Variants in RNF170 observed in about 807,000 individuals in gnomAD.
RNF170 encodes E3 ubiquitin-protein ligase RNF170.
Under a neutral mutation model 32.7 loss-of-function variants are expected in RNF170, and 12 were observed. That is an observed-to-expected ratio of 0.37 (90% CI 0.24 to 0.60). The LOEUF is 0.60. RNF170 is among the 20% of genes least tolerant of loss of function. RNF170 has a pLI of 0.72. For synonymous variants in RNF170, 91 were observed against 103.6 expected, an observed-to-expected ratio of 0.88 and a Z score of 0.74; for missense variants, 212 against 311.2, an observed-to-expected ratio of 0.68 and a Z score of 2.40.
chr8:42,880,095 A>T (rs1805267287), intron 2 of RNF170, among the ~76,000 whole-genome samples: 1 of 152,234 alleles, frequency 6.6e-6, no homozygotes, highest in Admixed American at 6.5e-5. Context: ...GGAAGAAGTC[A>T]CTGCAGATAT....
rs1803049553 is a variant in RNF170, at chr8:42,853,975, G to A, written c.*2184C>T. 1 of 1,286,946 alleles carries A rather than the reference G, an allele frequency of 7.8e-7. No individual in the cohort carries two copies. Among genetic ancestry groups the A allele is most frequent in the Admixed American group, 2.3e-5 (1 of 43,530 alleles). The allele number at this position is 1,286,946 out of a possible 1,614,324, so 79.7% of individuals were successfully genotyped here. A position where few individuals can be genotyped will look rare whatever the true frequency, so the allele number is the denominator to read the frequency against. The stretch of plus-strand genomic sequence containing the variant: ...ATGCATGCACACAAAATAAAATCCT[G>A]TCAAAAAATGACATCACCATTCCCC... On this transcript the variant is annotated 3_prime_UTR_variant, in exon 7 of 7. Coordinates refer to ENST00000527424, the MANE Select transcript of RNF170 (RefSeq NM_030954.4).
chr8:42,872,781 G>A (rs1389631112), intron 3 of RNF170, among the ~76,000 whole-genome samples: 1 of 151,998 alleles, frequency 6.6e-6, no homozygotes, highest in Non-Finnish European at 1.5e-5. Flanking sequence ...TAAGTTCCAT[G>A]AGGGTAGGAA....
intron 6 of RNF170, among the ~76,000 whole-genome samples, chr8:42,860,173 TAC>T (rs1398784885): frequency 6.6e-6 from 1 of 152,200 alleles, no homozygotes; most frequent in African/African-American, 2.4e-5. Flanking sequence ...CAGTTGGATC[TAC>T]AGAGTCTGGA....
upstream of RNF170, chr8:42,896,899 C>T (rs1806980380): frequency 5.6e-6 from 2 of 357,618 alleles, no homozygotes; most frequent in Middle Eastern, 7.4e-4. Flanking sequence ...CGCGGGGCGG[C>T]GGGCGTGTCC....
In RNF170 at chr8:42,855,651, C is replaced by T. The variant is rs1181200750; in HGVS notation, c.*508G>A. ...ATTATACCAGAATGAAAAGGCAGAA[C>T]TGCTCCAAATGCACAAAACTTAGCT... On this transcript the variant is annotated 3_prime_UTR_variant, in exon 7 of 7. Coordinates refer to ENST00000527424, the MANE Select transcript of RNF170 (RefSeq NM_030954.4). 5.4e-6 allele frequency: 7 copies of T among 1,285,480 alleles called. No homozygotes were observed. Among genetic ancestry groups the T allele is most frequent in the East Asian group, 5.5e-5 (1 of 18,026 alleles). The allele number at this position is 1,285,480 out of a possible 1,614,324, so 79.6% of individuals were successfully genotyped here.
rs1325254125 is a variant in RNF170, at chr8:42,896,483, C to CCTCT, written c.-11_-8dup. The CCTCT allele has an allele frequency of 1.8e-5, 8 of 453,850 alleles. No homozygotes were observed. The highest frequency in any genetic ancestry group is 6.8e-4 in the Middle Eastern group (1 of 1,464). The allele number at this position is 453,850 out of a possible 1,614,324, so 28.1% of individuals were successfully genotyped here. On this transcript the variant is annotated splice_region_variant and 5_prime_UTR_variant. Coordinates refer to ENST00000527424, the MANE Select transcript of RNF170 (RefSeq NM_030954.4). ...GCGTGGCCGCCGCGCGCCGGACGTA[C>CCTCT]CTCTCCACCGCGAAGGAACTACCTC...
intron 4 of RNF170, 38 bp from the exon 5 acceptor site, chr8:42,865,527 T>C: frequency 1.4e-6 from 2 of 1,414,994 alleles, no homozygotes; most frequent in Non-Finnish European, 2.0e-6. Context: ...AACCCATTAA[T>C]ATTGATGTTT....
In RNF170 at chr8:42,854,462, C is replaced by T. The variant is rs917205806; in HGVS notation, c.*1697G>A. 11 of 1,286,550 alleles carry T rather than the reference C, an allele frequency of 8.5e-6. No individual in the cohort carries two copies. The Admixed American group carries it at 2.5e-4, about 30-fold the overall frequency. 79.7% of individuals were successfully genotyped at this position (1,286,550 alleles called of 1,614,324 possible). Reference sequence around the variant, plus strand: ...GTCCTGCGTTCCTCACAAAATTATCCAAAGGATAAAATGAAAAGTATGTGA... The same window carrying T: ...GTCCTGCGTTCCTCACAAAATTATCTAAAGGATAAAATGAAAAGTATGTGA... On this transcript the variant is annotated 3_prime_UTR_variant, in exon 7 of 7. Coordinates refer to ENST00000527424, the MANE Select transcript of RNF170 (RefSeq NM_030954.4).
chr8:42,895,606 C>G (rs972584377), intron 1 of RNF170, among the ~76,000 whole-genome samples: 2 of 152,224 alleles, frequency 1.3e-5, no homozygotes, highest in Non-Finnish European at 2.9e-5. Context: ...TAGCCATGTT[C>G]TGAGTGGCCT....
chr8:42,897,006 C>A (rs1806990466), upstream of RNF170: 1 of 609,396 alleles, frequency 1.6e-6, no homozygotes, highest in South Asian at 8.4e-5. Flanking sequence ...GGGCGAGAGT[C>A]GGCGGCCGGA....
intron 5 of RNF170, among the ~76,000 whole-genome samples, chr8:42,864,594 G>A (rs1803942753): frequency 6.6e-6 from 1 of 151,988 alleles, no homozygotes; most frequent in African/African-American, 2.4e-5. Flanking sequence ...TGACATTTCA[G>A]TCTCACGTTC....
At chr8:42,850,836 G>A, downstream of RNF170, 2 of 1,551,644 alleles carry the variant, frequency 1.3e-6, no homozygotes, top group East Asian at 2.4e-5. Context: ...GTAACGTGAA[G>A]CATAAACGTG....
chr8:42,859,613 A>G (rs1328066457), intron 6 of RNF170, among the ~76,000 whole-genome samples: 1 of 151,804 alleles, frequency 6.6e-6, no homozygotes, highest in Admixed American at 6.6e-5. Flanking sequence ...GGAAAGAGTG[A>G]GAATCTGTCT....
chr8:42,894,808 C>T (rs1490614068), intron 1 of RNF170, among the ~76,000 whole-genome samples: 1 of 152,122 alleles, frequency 6.6e-6, no homozygotes, highest in East Asian at 1.9e-4. Context: ...CTCGCCTCGG[C>T]CTCCCAAAGT....
intron 4 of RNF170, among the ~76,000 whole-genome samples, chr8:42,867,775 CAAAAAAA>C (rs1054907767): frequency 5.3e-3 from 132 of 24,766 alleles, no homozygotes; most frequent in African/African-American, 0.018. Context: ...GACTCCATCT[CAAAAAAA>C]AAAAAAAAAA....
At chr8:42,868,238 TG>T (rs778051129) in intron 4 of RNF170, among the ~76,000 whole-genome samples, 3 of 152,224 alleles carry the variant, frequency 2.0e-5, no homozygotes, top group Non-Finnish European at 4.4e-5. Context: ...TTACATGGTA[TG>T]GGTTCCAAAT....
chr8:42,870,860 G>C (rs929159846), intron 3 of RNF170, among the ~76,000 whole-genome samples: 6 of 152,114 alleles, frequency 3.9e-5, no homozygotes, highest in African/African-American at 1.4e-4. Flanking sequence ...CACTAGGATG[G>C]ATCATGAGGG....
At chr8:42,859,321 C>A (rs1236034533) in intron 6 of RNF170, among the ~76,000 whole-genome samples, 1 of 151,986 alleles carries the variant, frequency 6.6e-6, no homozygotes, top group Non-Finnish European at 1.5e-5. Flanking sequence ...TGGACCAGCA[C>A]AATGTCTACA....
rs374579251 is a variant in RNF170 at position 42,853,896 on chromosome 8, A to G, written c.*2263T>C. 5 of 1,286,880 alleles carry G rather than the reference A, an allele frequency of 3.9e-6. No individual in the cohort carries two copies. Among genetic ancestry groups the G allele is most frequent in the East Asian group, 5.5e-5 (1 of 18,040 alleles). 79.7% of individuals were successfully genotyped at this position (1,286,880 alleles called of 1,614,324 possible). On this transcript the variant is annotated 3_prime_UTR_variant, in exon 7 of 7. Coordinates refer to ENST00000527424, the MANE Select transcript of RNF170 (RefSeq NM_030954.4). ...ACACCTCTTTCAGGAAAGTCTTAGT[A>G]GTAACTCCAAATATTATAATTATTG...
Sources: gnomAD v4.1 joint callset for allele counts (sites outside exome capture counted in the v4.1 genomes callset) on GRCh38, gnomAD v4.1.1 for gene constraint, MANE v1.5 for transcripts, NCBI Gene and HGNC (gene_info 2026-07-23, HGNC 2026-07-21) for gene names.